Variants in TRIM5 observed in about 807,000 individuals in gnomAD.
The protein encoded by TRIM5 is tripartite motif-containing protein 5.
A neutral mutation model predicts 35.6 loss-of-function variants in TRIM5; 31 were observed. The observed-to-expected ratio is 0.87, with a 90% CI of 0.65 to 1.18. TRIM5 has a LOEUF of 1.18. TRIM5 is among the 50% of genes most tolerant of loss of function. TRIM5 has a pLI of 0.00. For missense variants in TRIM5, 609 were observed against 591.6 expected (o/e 1.03, Z -0.31); for synonymous variants, 243 against 215.6 (o/e 1.13, Z -1.11).
At chr11:5,662,199 T>C (rs946108505), downstream of TRIM5, among the ~76,000 whole-genome samples, 4 of 152,178 alleles carry the variant, frequency 2.6e-5, no homozygotes, top group African/African-American at 4.8e-5. Flanking sequence ...ACCACAAAGA[T>C]AGAGACCTTA....
chr11:5,615,363 A>T, the TRIM5 span, among the ~76,000 whole-genome samples: 1 of 152,024 alleles, frequency 6.6e-6, no homozygotes, highest in Non-Finnish European at 1.5e-5. Context: ...ATATTTGTGG[A>T]TTTGCCTATT....
At chr11:5,594,456 C>T in the TRIM5 span, among the ~76,000 whole-genome samples, 4 of 152,186 alleles carry the variant, frequency 2.6e-5, no homozygotes, top group East Asian at 1.9e-4. Context: ...ACTACAGGCA[C>T]GTACCGCTAT....
At chr11:5,634,796 T>C in the TRIM5 span, 15 of 1,613,748 alleles carry the variant, frequency 9.3e-6, no homozygotes, top group East Asian at 2.2e-5. Context: ...GCAGAAGCAG[T>C]TGGTGAGAGA....
chr11:5,598,616 C>CT, the TRIM5 span, among the ~76,000 whole-genome samples: 1 of 152,100 alleles, frequency 6.6e-6, no homozygotes, highest in African/African-American at 2.4e-5. Flanking sequence ...GATCCTTTAA[C>CT]TTTTTTAAAC....
At chr11:5,673,169 C>T (rs985510551) in intron 4 of TRIM5, among the ~76,000 whole-genome samples, 5 of 152,040 alleles carry the variant, frequency 3.3e-5, no homozygotes, top group Admixed American at 6.5e-5. Flanking sequence ...ATTCGGTTAT[C>T]ACTACCTATA....
downstream of TRIM5, among the ~76,000 whole-genome samples, chr11:5,660,362 G>A (rs1227803705): frequency 2.0e-5 from 3 of 152,142 alleles, no homozygotes; most frequent in Admixed American, 2.0e-4. Context: ...CTGCCTTCAA[G>A]TGAAAAGCCA....
At chr11:5,629,192 G>A in the TRIM5 span, among the ~76,000 whole-genome samples, 2 of 152,026 alleles carry the variant, frequency 1.3e-5, no homozygotes, top group Non-Finnish European at 2.9e-5. Context: ...CAGGAGAATC[G>A]CTTGAACCTG....
At chr11:5,643,468 G>A in the TRIM5 span, 64 of 1,614,048 alleles carry the variant, frequency 4.0e-5, no homozygotes, top group Non-Finnish European at 5.3e-5. Flanking sequence ...TGTAAGTATG[G>A]TGTCTTTGAA....
chr11:5,635,182 C>G, the TRIM5 span, among the ~76,000 whole-genome samples: 1 of 151,912 alleles, frequency 6.6e-6, no homozygotes, highest in East Asian at 1.9e-4. Flanking sequence ...GGTTTAAGAG[C>G]ATACACATTT....
At chr11:5,641,263 G>A in the TRIM5 span, 3 of 1,606,106 alleles carry the variant, frequency 1.9e-6, no homozygotes, top group South Asian at 2.2e-5. Context: ...TTATTTGGTG[G>A]TCAATTGGAA....
At chr11:5,643,980 C>A in the TRIM5 span, 1 of 510,440 alleles carries the variant, frequency 2.0e-6, no homozygotes, top group Non-Finnish European at 3.3e-6. Flanking sequence ...ATCCATGTTT[C>A]ACTTTATCAC....
the TRIM5 span, chr11:5,611,178 G>A: frequency 3.1e-6 from 5 of 1,614,068 alleles, no homozygotes; most frequent in Non-Finnish European, 4.2e-6. Context: ...CCGTGTTGGG[G>A]TTTTCTTAGA....
the TRIM5 span, chr11:5,642,947 T>C: frequency 6.7e-7 from 1 of 1,498,840 alleles, no homozygotes; most frequent in South Asian, 1.2e-5. Context: ...TCTCAGCACC[T>C]CCCAAAACAT....
At chr11:5,629,129 T>C in the TRIM5 span, among the ~76,000 whole-genome samples, 1 of 151,900 alleles carries the variant, frequency 6.6e-6, no homozygotes, top group East Asian at 1.9e-4. Flanking sequence ...ATCTAAAAAT[T>C]AGTTGGGCGT....
At chr11:5,644,029 T>A in the TRIM5 span, 1 of 456,276 alleles carries the variant, frequency 2.2e-6, no homozygotes, top group East Asian at 3.3e-5. Context: ...CCACCATCCA[T>A]GCTACCTAGG....
the TRIM5 span, among the ~76,000 whole-genome samples, chr11:5,616,109 C>A: frequency 6.7e-6 from 1 of 150,004 alleles, no homozygotes; most frequent in South Asian, 2.1e-4. Flanking sequence ...CACCACCACG[C>A]CCGGCTAATT....
chr11:5,622,185 C>T, the TRIM5 span, among the ~76,000 whole-genome samples: 21 of 152,270 alleles, frequency 1.4e-4, no homozygotes, highest in South Asian at 1.0e-3. Flanking sequence ...GTGGCTCACA[C>T]CTGTAATCCC....
At chr11:5,675,042 T>TC (rs1046881957) in intron 4 of TRIM5, among the ~76,000 whole-genome samples, 19 of 152,146 alleles carry the variant, frequency 1.2e-4, no homozygotes, top group Admixed American at 1.2e-3. Context: ...TTTTCTTTTT[T>TC]TTTTGAGATG....
the TRIM5 span, among the ~76,000 whole-genome samples, chr11:5,599,949 A>C: frequency 1.3e-5 from 2 of 152,070 alleles, no homozygotes; most frequent in Non-Finnish European, 2.9e-5. Context: ...AGAGCCTTAT[A>C]GTGCAGTGTG....
Sources: allele counts gnomAD v4.1 joint callset (sites outside exome capture counted in the v4.1 genomes callset), GRCh38; gene constraint gnomAD v4.1.1; transcripts MANE v1.5; gene names NCBI Gene and HGNC (gene_info 2026-07-23, HGNC 2026-07-21).